The following CDK12 variants were observed in gnomAD, a reference collection of about 807,000 sequenced individuals.
CDK12 encodes the protein cyclin dependent kinase 12.
CDK12 carries 17 observed loss-of-function variants against 133.8 expected under a neutral mutation model. That is an observed-to-expected ratio of 0.13 (90% CI 0.09 to 0.19). The LOEUF (loss-of-function observed/expected upper bound fraction) is 0.19, where lower values mean the gene tolerates loss of function less well. CDK12 is among the 10% of genes least tolerant of loss of function. The probability of loss-of-function intolerance (pLI) is 1.00; values close to 1 mark genes in which losing one functional copy is unlikely to be tolerated. For missense variants in CDK12, 1,508 were observed against 1,818.7 expected, an observed-to-expected ratio of 0.83 and a Z score of 3.11; for synonymous variants, 694 against 683.6, an observed-to-expected ratio of 1.02 and a Z score of -0.24.
chr17:39,557,156 AC>A (rs1258421050), intron 3 of CDK12: 1 of 152,166 alleles, frequency 6.6e-6, no homozygotes, highest in Non-Finnish European at 1.5e-5. Context: ...TCTTATCAAG[AC>A]AAGAGGTGCT....
At chr17:39,466,352 C>T (rs556543143) in intron 1 of CDK12, among the ~76,000 whole-genome samples, 4 of 149,434 alleles carry the variant, frequency 2.7e-5, no homozygotes, top group Non-Finnish European at 5.9e-5. Context: ...CAGTGGATCA[C>T]GCCTGTAATC....
chr17:39,544,090 T>A, upstream of CDK12: 1 of 410,136 alleles, frequency 2.4e-6, no homozygotes, highest in Non-Finnish European at 5.0e-6. Context: ...TTAGTCTGAA[T>A]CCTTCTGGGG....
intron 11 of CDK12, 143 bp from the exon 12 acceptor site, chr17:39,524,531 T>C (rs2054377613): frequency 3.0e-6 from 2 of 676,686 alleles, no homozygotes; most frequent in African/African-American, 1.8e-5. Context: ...TTACCTACTT[T>C]TACTAACTTT....
downstream of CDK12, among the ~76,000 whole-genome samples, chr17:39,537,088 A>C (rs1020049499): frequency 2.0e-5 from 3 of 152,208 alleles, no homozygotes; most frequent in African/African-American, 7.2e-5. Flanking sequence ...GAAGTCCACC[A>C]TATAGCAGTC....
chr17:39,471,771 C>T lies in CDK12; in HGVS notation c.1931+8C>T, dbSNP rs1418056309. 1 of 1,586,826 alleles carries T rather than the reference C, an allele frequency of 6.3e-7. No homozygotes were observed. Among genetic ancestry groups the T allele is most frequent in the African/African-American group, 1.4e-5 (1 of 73,862 alleles). On this transcript the variant is annotated splice_region_variant and intron_variant, in intron 2 of 13. Transcript: ENST00000447079. ...AGATGATGACATGGATAGGTAAGTC[C>T]TATAGTGAACTGGAAAAAACCCCCT...
intron 6 of CDK12, among the ~76,000 whole-genome samples, chr17:39,504,356 A>G (rs961189366): frequency 2.6e-5 from 4 of 152,178 alleles, no homozygotes; most frequent in African/African-American, 9.7e-5. Context: ...GGTCAGAGAG[A>G]TAGGAAGAAA....
chr17:39,512,062 A>AT (rs1386587375), intron 8 of CDK12, among the ~76,000 whole-genome samples: 1 of 152,040 alleles, frequency 6.6e-6, no homozygotes, highest in East Asian at 1.9e-4. Context: ...ATATATATGT[A>AT]TTTTTTAGCA....
chr17:39,542,280 G>A (rs1009081758), intron 1 of CDK12, among the ~76,000 whole-genome samples: 6 of 151,146 alleles, frequency 4.0e-5, no homozygotes, highest in African/African-American at 1.2e-4. Flanking sequence ...TCCACCTTCT[G>A]GGTTCAAGCG....
chr17:39,492,297 C>T (rs553224160), intron 3 of CDK12, among the ~76,000 whole-genome samples: 3 of 150,212 alleles, frequency 2.0e-5, no homozygotes, highest in South Asian at 2.1e-4. Flanking sequence ...GGGGTTTCAC[C>T]GTGTTAGCCA....
intron 2 of CDK12, among the ~76,000 whole-genome samples, chr17:39,481,027 G>GC (rs1416652364): frequency 6.6e-6 from 1 of 152,088 alleles, no homozygotes; most frequent in African/African-American, 2.4e-5. Flanking sequence ...GCCGAGGCCG[G>GC]CGGATCACCT....
chr17:39,517,304 C>T, intron 9 of CDK12, 136 bp from the exon 10 acceptor site: 3 of 631,570 alleles, frequency 4.8e-6, no homozygotes, highest in Non-Finnish European at 5.8e-6. Context: ...TCATATTTTC[C>T]TTTCTGCATG....
At chr17:39,513,152 TAC>T (rs2053595891) in intron 8 of CDK12, among the ~76,000 whole-genome samples, 2 of 152,350 alleles carry the variant, frequency 1.3e-5, no homozygotes, top group Non-Finnish European at 2.9e-5. Flanking sequence ...ATTTAGAAAC[TAC>T]AGTTTGTGTG....
At chr17:39,480,814 CA>C (rs1483114133) in intron 2 of CDK12, among the ~76,000 whole-genome samples, 19 of 152,286 alleles carry the variant, frequency 1.2e-4, no homozygotes, top group Non-Finnish European at 2.4e-4. Context: ...AATGGTATTT[CA>C]AAAGCCTTTC....
chr17:39,515,663 A>C, intron 8 of CDK12, 68 bp from the exon 9 acceptor site: 3 of 1,027,806 alleles, frequency 2.9e-6, no homozygotes, highest in South Asian at 1.4e-5. Context: ...TAATGTAAAA[A>C]TTTTTTGAGA....
At chr17:39,492,712 A>G (rs1055046691) in intron 3 of CDK12, 39 bp from the exon 4 acceptor site, 21 of 1,521,996 alleles carry the variant, frequency 1.4e-5, no homozygotes, top group Non-Finnish European at 1.9e-5. Flanking sequence ...CCCGGCCTTC[A>G]TTTTCTTAAA....
At chr17:39,465,138 C>T (rs1016902303) in intron 1 of CDK12, among the ~76,000 whole-genome samples, 4 of 150,830 alleles carry the variant, frequency 2.7e-5, no homozygotes, top group Admixed American at 2.7e-4. Context: ...CCCAGCTACT[C>T]GGAAGGCTGA....
chr17:39,511,422 C>T, intron 7 of CDK12, 107 bp from the exon 8 acceptor site: 2 of 678,088 alleles, frequency 2.9e-6, no homozygotes, highest in East Asian at 2.6e-5. Context: ...ATTTGTTTTT[C>T]AGTCTCATCT....
chr17:39,506,521 TATG>T (rs1184286267), intron 6 of CDK12, among the ~76,000 whole-genome samples: 1 of 152,110 alleles, frequency 6.6e-6, no homozygotes, highest in African/African-American at 2.4e-5. Flanking sequence ...TGGCCAATTA[TATG>T]ATTTTTATTC....
chr17:39,505,188 C>T (rs1292249951), intron 6 of CDK12, among the ~76,000 whole-genome samples: 1 of 141,522 alleles, frequency 7.1e-6, no homozygotes, highest in Admixed American at 7.5e-5. Flanking sequence ...GAGATCGCGC[C>T]ACTGCACTCC....
Sources: gnomAD v4.1 joint callset for allele counts (sites outside exome capture counted in the v4.1 genomes callset) on GRCh38, gnomAD v4.1.1 for gene constraint, MANE v1.5 for transcripts, NCBI Gene and HGNC (gene_info 2026-07-23, HGNC 2026-07-21) for gene names.